SPAG17: variants seen among roughly 807,000 people sequenced by gnomAD.
SPAG17 encodes the protein sperm associated antigen 17.
A neutral mutation model predicts 273.6 loss-of-function variants in SPAG17; 169 were observed. That is an observed-to-expected ratio of 0.62 (90% CI 0.55 to 0.70). The LOEUF (loss-of-function observed/expected upper bound fraction) is 0.70, where lower values mean the gene tolerates loss of function less well. Ranked by LOEUF, SPAG17 falls within the 30% of genes least tolerant of loss-of-function variation. The pLI is 0.00. For synonymous variants in SPAG17, 825 were observed against 873.2 expected (o/e 0.94, Z 0.97); for missense variants, 2,557 against 2,627.8 (o/e 0.97, Z 0.59).
rs372999478 is a variant in SPAG17, at chr1:118,154,519, C to A, written c.88-3150G>T. ...ACAGCATAGTTAAATAAGCAATTCT[C>A]TGCAAATACAATTTCTGAGTGTTTC... On this transcript the variant is annotated intron_variant, in intron 1 of 48. Transcript: ENST00000336338. Among the ~76,000 whole-genome samples, 27 of 152,292 alleles carry A rather than the reference C, an allele frequency of 1.8e-4. No individual in the cohort carries two copies. In the East Asian group the frequency reaches 4.8e-3, roughly 27 times the overall value.
At chr1:118,147,119 A>G (rs775651858) in intron 3 of SPAG17, among the ~76,000 whole-genome samples, 12 of 152,160 alleles carry the variant, frequency 7.9e-5, no homozygotes, top group Non-Finnish European at 1.8e-4. Flanking sequence ...TTATGTCCAT[A>G]TACATTTTGT....
chr1:118,083,088 G>A (rs1419876986), intron 13 of SPAG17, among the ~76,000 whole-genome samples: 6 of 152,132 alleles, frequency 3.9e-5, no homozygotes, highest in Non-Finnish European at 8.8e-5. Flanking sequence ...TTCCCAAGTA[G>A]CTGGGTCTGC....
intron 18 of SPAG17, among the ~76,000 whole-genome samples, chr1:118,061,228 G>T (rs1413149142): frequency 6.6e-6 from 1 of 152,036 alleles, no homozygotes; most frequent in Non-Finnish European, 1.5e-5. Flanking sequence ...ATTGAAATCA[G>T]CATCTTCAAG....
chr1:118,057,176 A>G (rs974303256), intron 18 of SPAG17, among the ~76,000 whole-genome samples: 33 of 152,198 alleles, frequency 2.2e-4, no homozygotes, highest in African/African-American at 7.9e-4. Context: ...TCTGTCAGGA[A>G]ATCTAAATTA....
At chr1:118,127,886 G>A (rs1657827718) in intron 3 of SPAG17, among the ~76,000 whole-genome samples, 2 of 152,136 alleles carry the variant, frequency 1.3e-5, no homozygotes, top group Admixed American at 1.3e-4. Flanking sequence ...CACTTTGGGA[G>A]GCCAAGGTGG....
At chr1:118,052,095 T>C (rs1263315922) in intron 20 of SPAG17, among the ~76,000 whole-genome samples, 1 of 142,952 alleles carries the variant, frequency 7.0e-6, no homozygotes, top group Non-Finnish European at 1.5e-5. Flanking sequence ...TTATATATTA[T>C]ATATAGTATA....
intron 3 of SPAG17, among the ~76,000 whole-genome samples, chr1:118,138,700 T>G (rs115514708): frequency 0.016 from 2,394 of 152,256 alleles, 27 homozygotes; most frequent in Non-Finnish European, 0.026. Flanking sequence ...CACCAGCAAT[T>G]ACTACTGAAT....
intron 43 of SPAG17, among the ~76,000 whole-genome samples, chr1:117,979,399 C>G (rs938615060): frequency 6.6e-6 from 1 of 152,180 alleles, no homozygotes; most frequent in African/African-American, 2.4e-5. Flanking sequence ...GCAGCAAATT[C>G]TATTGGCTCC....
rs1480904635 is a variant in SPAG17, at chr1:117,987,790, C to G, written c.5669+44G>C. 3 of 1,601,274 alleles carry G rather than the reference C, an allele frequency of 1.9e-6. No homozygotes were observed. In the African/African-American group the frequency reaches 4.0e-5, roughly 21 times the overall value. On this transcript the variant is annotated intron_variant, in intron 40 of 48. Coordinates refer to ENST00000336338, the MANE Select transcript of SPAG17 (RefSeq NM_206996.4). Reference sequence around the variant, plus strand: ...CCTATCCCATTCTCAGTCTATTACTCTGGGCCCTTTCAGGTCCTTATGTGC... The same window carrying G: ...CCTATCCCATTCTCAGTCTATTACTGTGGGCCCTTTCAGGTCCTTATGTGC...
At chr1:118,008,333 C>G (rs1402059041) in intron 30 of SPAG17, 135 bp from the exon 31 acceptor site, 1 of 963,588 alleles carries the variant, frequency 1.0e-6, no homozygotes, top group Non-Finnish European at 1.5e-6. Flanking sequence ...AAGTCTAGAG[C>G]AAGTACTGAG....
intron 1 of SPAG17, among the ~76,000 whole-genome samples, chr1:118,157,948 T>C (rs1315885885): frequency 6.6e-6 from 1 of 152,140 alleles, no homozygotes; most frequent in Non-Finnish European, 1.5e-5. Context: ...AGCTGCTTCA[T>C]GTGTGAAGAA....
At position 118,093,831 on chromosome 1, in the gene SPAG17, C is replaced by T. The variant is rs1655543711; in HGVS notation, c.1012-514G>A. ...ATTTCTTCTTTTCCTCCAAGCTCCA[C>T]TTCTTTCCTTTCACCTGTTCTACCT... On this transcript the variant is annotated intron_variant, in intron 7 of 48. Transcript: ENST00000336338. 2.6e-5 allele frequency among the ~76,000 whole-genome samples: 4 copies of T among 152,226 alleles called. No individual in the cohort carries two copies. The South Asian group carries it at 8.3e-4, about 32-fold the overall frequency.
chr1:118,089,246 C>A (rs1655210569), intron 10 of SPAG17, among the ~76,000 whole-genome samples: 1 of 151,520 alleles, frequency 6.6e-6, no homozygotes, highest in Admixed American at 6.6e-5. Context: ...AGAGAGAAAG[C>A]TTTCTAGGCA....
chr1:118,028,076 T>C (rs1647965001), intron 26 of SPAG17, among the ~76,000 whole-genome samples, 198 bp downstream of exon 26: 1 of 152,224 alleles, frequency 6.6e-6, no homozygotes, highest in African/African-American at 2.4e-5. Context: ...AGTATTTAGA[T>C]CACAGTATTT....
chr1:118,099,265 T>C (rs1655907542), intron 6 of SPAG17, among the ~76,000 whole-genome samples: 1 of 152,166 alleles, frequency 6.6e-6, no homozygotes, highest in Non-Finnish European at 1.5e-5. Flanking sequence ...AAGAACAGAT[T>C]ATTAACAGTG....
At chr1:117,960,019 GT>G (rs1557833805) in intron 48 of SPAG17, 1 of 151,942 alleles carries the variant, frequency 6.6e-6, no homozygotes, top group East Asian at 1.9e-4. Flanking sequence ...ATTGCTAACT[GT>G]TTATACTTTT....
At chr1:118,123,801 T>C (rs1657552444) in intron 3 of SPAG17, among the ~76,000 whole-genome samples, 1 of 152,112 alleles carries the variant, frequency 6.6e-6, no homozygotes, top group African/African-American at 2.4e-5. Flanking sequence ...GTTGGTAACA[T>C]AATAACATTT....
In SPAG17 at chr1:117,991,401, A is replaced by C; in HGVS notation, c.5475+14T>G. ...ACAATAGTAAGAACATGGGTATACA[A>C]GGCATTTTCTCACCATAACCAGCTT... On this transcript the variant is annotated intron_variant, in intron 37 of 48. Transcript: ENST00000336338. 6.7e-7 allele frequency: 1 copy of C among 1,486,996 alleles called. No homozygotes were observed. The highest frequency in any genetic ancestry group is 1.2e-5 in the South Asian group (1 of 83,006). 92.1% of individuals were successfully genotyped at this position (1,486,996 alleles called of 1,614,324 possible).
At chr1:117,992,738 TATC>T (rs1657247386) in intron 35 of SPAG17, 90 bp from the exon 36 acceptor site, 1 of 1,140,598 alleles carries the variant, frequency 8.8e-7, no homozygotes, top group African/African-American at 1.6e-5. Flanking sequence ...ATTACATAGA[TATC>T]ATAATAACTT....
Sources: allele counts gnomAD v4.1 joint callset (sites outside exome capture counted in the v4.1 genomes callset), GRCh38; gene constraint gnomAD v4.1.1; transcripts MANE v1.5; gene names NCBI Gene and HGNC (gene_info 2026-07-23, HGNC 2026-07-21).